Variants in PCCA observed in about 807,000 individuals in gnomAD.
PCCA encodes propionyl-CoA carboxylase alpha chain, mitochondrial.
In PCCA, 74 loss-of-function variants were observed where a neutral mutation model predicts 101.3. The observed-to-expected ratio is 0.73, with a 90% CI of 0.61 to 0.89. The LOEUF is 0.89. Among genes scored for constraint, PCCA ranks in the 40% least tolerant of loss-of-function variants. PCCA has a pLI of 0.00. For missense variants in PCCA, 891 were observed against 907.0 expected (o/e 0.98, Z 0.23); for synonymous variants, 294 against 313.6 (o/e 0.94, Z 0.66).
At chr13:100,303,142 A>T (rs1211156121) in intron 14 of PCCA, 144 bp downstream of exon 14, 5 of 714,964 alleles carry the variant, frequency 7.0e-6, no homozygotes, top group Non-Finnish European at 1.3e-5. Context: ...TGTTGAAAAC[A>T]AATTTTTTTC....
intron 6 of PCCA, among the ~76,000 whole-genome samples, chr13:100,187,686 CTTATT>C (rs2057400057): frequency 6.6e-6 from 1 of 151,866 alleles, no homozygotes; most frequent in African/African-American, 2.4e-5. Context: ...TTGAAAAAAA[CTTATT>C]TTAAGTTCAG....
intron 4 of PCCA, among the ~76,000 whole-genome samples, chr13:100,126,862 ATTAAC>A (rs1196311961): frequency 2.0e-5 from 3 of 152,134 alleles, no homozygotes; most frequent in East Asian, 3.8e-4. Flanking sequence ...ACTTTCATGT[ATTAAC>A]TTAATTAAAG....
chr13:100,097,045 C>G (rs1013063392), intron 1 of PCCA, among the ~76,000 whole-genome samples: 2 of 152,180 alleles, frequency 1.3e-5, no homozygotes, highest in African/African-American at 4.8e-5. Flanking sequence ...TGAGCAATAA[C>G]TGTTTTGAAC....
At chr13:100,161,020 A>G (rs532947925) in intron 6 of PCCA, 30 of 152,440 alleles carry the variant, frequency 2.0e-4, no homozygotes, top group African/African-American at 6.5e-4. Context: ...AGTGAGTTCC[A>G]TCAGGATGCT....
intron 19 of PCCA, among the ~76,000 whole-genome samples, chr13:100,415,663 C>T (rs953571504): frequency 2.0e-5 from 3 of 152,128 alleles, no homozygotes; most frequent in Non-Finnish European, 4.4e-5. Flanking sequence ...TTTCACTCTG[C>T]ACAATGCTAA....
rs777504794 is a variant in PCCA, at chr13:100,262,775, G to A, written c.763G>A (p.Asp255Asn). Reference protein sequence around the residue: ...SSQEAASSFGDDRLLIEKFID... With the variant: ...SSQEAASSFGNDRLLIEKFID... ...TCAAGAAGCTGCTTCTAGTTTTGGC[G>A]ATGATAGACTACTAATAGAAAAATT... Residue 255 changes from aspartate to asparagine, a missense_variant, in exon 10 of 24, where the codon GAT becomes AAT. Physicochemically the swap from Asp to Asn is conservative, Grantham distance 23. Coordinates refer to ENST00000376285, the MANE Select transcript of PCCA (RefSeq NM_000282.4). The A allele has an allele frequency of 8.8e-6, 14 of 1,593,436 alleles. No individual in the cohort carries two copies. In the East Asian group the frequency reaches 9.0e-5, roughly 10 times the overall value.
chr13:100,274,192 A>T (rs1424153819), intron 12 of PCCA, among the ~76,000 whole-genome samples: 1 of 152,058 alleles, frequency 6.6e-6, no homozygotes, highest in Non-Finnish European at 1.5e-5. Flanking sequence ...TCTTCCTTTG[A>T]ATTACGCATA....
chr13:100,105,844 CAAAAAAAAAAAAAAAAAAAAAAA>C (rs71114671), intron 2 of PCCA, among the ~76,000 whole-genome samples: 3 of 62,506 alleles, frequency 4.8e-5, no homozygotes, highest in African/African-American at 2.0e-4. Context: ...GATCCTGTCT[CAAAAAAAAAAAAAAAAAAAAAAA>C]AAAAAAAAAA....
chr13:100,303,400 AATTTAAGGAG>A (rs1052834015), intron 14 of PCCA, among the ~76,000 whole-genome samples: 155 of 152,270 alleles, frequency 1.0e-3, no homozygotes, highest in African/African-American at 3.3e-3. Context: ...CCTTAATTGA[AATTTAAGGAG>A]ATTGAATTAA....
intron 18 of PCCA, among the ~76,000 whole-genome samples, chr13:100,358,987 CTA>C (rs1233452621): frequency 1.3e-5 from 2 of 150,246 alleles, no homozygotes; most frequent in Admixed American, 6.7e-5. Flanking sequence ...ATCCCAGCTA[CTA>C]GGGAGGCTGA....
intron 21 of PCCA, among the ~76,000 whole-genome samples, chr13:100,463,835 T>C (rs1566376922): frequency 6.6e-6 from 1 of 152,206 alleles, no homozygotes; most frequent in Non-Finnish European, 1.5e-5. Context: ...ATGTTTATTA[T>C]TGAAATCATT....
chr13:100,136,480 C>T (rs762429907), intron 4 of PCCA, among the ~76,000 whole-genome samples: 8 of 152,206 alleles, frequency 5.3e-5, no homozygotes, highest in Middle Eastern at 3.4e-3. Flanking sequence ...GCCACGCGCC[C>T]GGCCTATAAA....
At chr13:100,213,373 CT>C (rs536003741) in intron 7 of PCCA, among the ~76,000 whole-genome samples, 59 of 152,270 alleles carry the variant, frequency 3.9e-4, no homozygotes, top group Non-Finnish European at 2.9e-5. Flanking sequence ...CAAGAGTTCC[CT>C]TTTCTCTATA....
intron 19 of PCCA, among the ~76,000 whole-genome samples, chr13:100,406,381 A>G (rs2077680627): frequency 2.6e-5 from 4 of 152,222 alleles, no homozygotes; most frequent in African/African-American, 4.8e-5. Flanking sequence ...ACAGTAGTGT[A>G]TACCTTACTT....
intron 5 of PCCA, among the ~76,000 whole-genome samples, 160 bp from the exon 6 acceptor site, chr13:100,157,127 C>T (rs971105183): frequency 1.3e-5 from 2 of 152,122 alleles, no homozygotes; most frequent in African/African-American, 4.8e-5. Context: ...TGATTCTGAT[C>T]CTAGAAATGT....
At chr13:100,253,320 A>G (rs988405573) in intron 8 of PCCA, among the ~76,000 whole-genome samples, 3 of 152,208 alleles carry the variant, frequency 2.0e-5, no homozygotes, top group Non-Finnish European at 2.9e-5. Context: ...GTATGTTTGT[A>G]TATCATTGTC....
At chr13:100,276,941 G>A (rs1236594307) in intron 12 of PCCA, among the ~76,000 whole-genome samples, 2 of 151,998 alleles carry the variant, frequency 1.3e-5, no homozygotes, top group African/African-American at 4.8e-5. Context: ...TTCCTGTTGG[G>A]CCTTGTTATT....
At chr13:100,305,822 C>A in intron 14 of PCCA, 2 of 448,754 alleles carry the variant, frequency 4.5e-6, no homozygotes, top group Non-Finnish European at 9.2e-6. Flanking sequence ...AAATAGAAAG[C>A]CAAGTATATT....
At chr13:100,415,237 TAC>T (rs540265928) in intron 19 of PCCA, among the ~76,000 whole-genome samples, 3 of 53,526 alleles carry the variant, frequency 5.6e-5, no homozygotes, top group South Asian at 2.6e-3. Flanking sequence ...ACCACACCTC[TAC>T]AAAAAAAAAA....
Sources: gnomAD v4.1 joint callset for allele counts (sites outside exome capture counted in the v4.1 genomes callset) on GRCh38, gnomAD v4.1.1 for gene constraint, MANE v1.5 for transcripts, NCBI Gene and HGNC (gene_info 2026-07-23, HGNC 2026-07-21) for gene names.